Variants in ATOH8 observed in about 807,000 individuals in gnomAD.
The protein encoded by ATOH8 is atonal bHLH transcription factor 8, also known as transcription factor ATOH8.
A neutral mutation model predicts 21.2 loss-of-function variants in ATOH8; 9 were observed. The ratio of observed to expected loss-of-function variants is 0.42; its 90% confidence interval spans 0.26 to 0.74. The LOEUF (loss-of-function observed/expected upper bound fraction) is 0.74, where lower values mean the gene tolerates loss of function less well. Ranked by LOEUF, ATOH8 falls within the 30% of genes least tolerant of loss-of-function variation. The pLI, the probability that ATOH8 is intolerant of heterozygous loss-of-function variation, is 0.24. For missense variants in ATOH8, 524 were observed against 470.9 expected (o/e 1.11, Z -1.04); for synonymous variants, 253 against 224.0 (o/e 1.13, Z -1.16).
chr2:85,769,162 C>T (rs928289375), intron 2 of ATOH8, among the ~76,000 whole-genome samples: 1 of 151,256 alleles, frequency 6.6e-6, no homozygotes, highest in Non-Finnish European at 1.5e-5. Context: ...TTTGCACAAA[C>T]CAGGGCATTG....
At chr2:85,773,062 G>A (rs988735498) in intron 2 of ATOH8, 17 of 356,404 alleles carry the variant, frequency 4.8e-5, no homozygotes, top group South Asian at 1.3e-4. Context: ...AACAGGCAGC[G>A]CCATGGCAGA....
intron 1 of ATOH8, among the ~76,000 whole-genome samples, chr2:85,756,934 C>G (rs1454962327): frequency 6.6e-6 from 1 of 152,200 alleles, no homozygotes; most frequent in Non-Finnish European, 1.5e-5. Flanking sequence ...CCTTTTACTT[C>G]CCCCCTTACC....
chr2:85,759,412 T>A (rs550613012), intron 1 of ATOH8, among the ~76,000 whole-genome samples: 1 of 152,258 alleles, frequency 6.6e-6, no homozygotes, highest in East Asian at 1.9e-4. Flanking sequence ...TACCTGAGCC[T>A]GCTGTGGGAT....
chr2:85,761,945 G>A (rs954865489), intron 1 of ATOH8, among the ~76,000 whole-genome samples: 9 of 152,164 alleles, frequency 5.9e-5, no homozygotes, highest in African/African-American at 2.2e-4. Context: ...GGAAATGCAT[G>A]GGAGCTGGCT....
At chr2:85,754,998 C>T (rs1679643135) in intron 1 of ATOH8, 41 bp downstream of exon 1, 5 of 1,538,984 alleles carry the variant, frequency 3.2e-6, no homozygotes, top group Non-Finnish European at 3.5e-6. Flanking sequence ...CGCCGGGGGA[C>T]GACTGCGGGA....
chr2:85,770,167 C>T (rs1680141997), intron 2 of ATOH8, among the ~76,000 whole-genome samples: 2 of 152,106 alleles, frequency 1.3e-5, no homozygotes, highest in Admixed American at 6.5e-5. Flanking sequence ...ACCTCGTGGG[C>T]TCCTCTCACC....
At chr2:85,768,722 C>T (rs1005412422) in intron 2 of ATOH8, among the ~76,000 whole-genome samples, 1 of 152,202 alleles carries the variant, frequency 6.6e-6, no homozygotes, top group Non-Finnish European at 1.5e-5. Flanking sequence ...TCAGCTCCCC[C>T]TCCAAGCCCA....
At chr2:85,781,341 C>A (rs574090915) in intron 2 of ATOH8, among the ~76,000 whole-genome samples, 48 of 149,060 alleles carry the variant, frequency 3.2e-4, no homozygotes, top group African/African-American at 1.1e-3. Flanking sequence ...CTGAGGTGGG[C>A]GGATCACTTG....
Position 85,790,532 on chromosome 2 carries a change from C to T in ATOH8, c.*3642C>T, listed in dbSNP as rs1003459603. Among the ~76,000 whole-genome samples, 1 of 152,224 alleles carries T rather than the reference C, an allele frequency of 6.6e-6. No homozygotes were observed. Among genetic ancestry groups the T allele is most frequent in the African/African-American group, 2.4e-5 (1 of 41,456 alleles). On this transcript the variant is annotated 3_prime_UTR_variant, in exon 3 of 3. Coordinates refer to ENST00000306279, the MANE Select transcript of ATOH8 (RefSeq NM_032827.7). Reference sequence around the variant, plus strand: ...GGTTTTGAGCAAGTGTTCATCCCCCCACACTATGCTCCTTCCTGTCTCCAT... The same window carrying T: ...GGTTTTGAGCAAGTGTTCATCCCCCTACACTATGCTCCTTCCTGTCTCCAT...
At chr2:85,764,538 C>T (rs1679955164) in intron 2 of ATOH8, among the ~76,000 whole-genome samples, 3 of 152,176 alleles carry the variant, frequency 2.0e-5, no homozygotes, top group Non-Finnish European at 4.4e-5. Context: ...CATACCAGGA[C>T]AAGATTCCCC....
At chr2:85,756,450 G>A (rs374026800) in intron 1 of ATOH8, among the ~76,000 whole-genome samples, 1 of 152,312 alleles carries the variant, frequency 6.6e-6, no homozygotes, top group East Asian at 1.9e-4. Context: ...CCTAGACTGG[G>A]GAGGCACGTG....
rs116756591 is a variant in ATOH8, at chr2:85,777,806, G to T, written c.961-9079G>T. On this transcript the variant is annotated intron_variant, in intron 2 of 2. Coordinates refer to ENST00000306279, the MANE Select transcript of ATOH8 (RefSeq NM_032827.7). The stretch of plus-strand genomic sequence containing the variant: ...CAGAGCCTCCAGTGGAGCCTGGCGT[G>T]GTCTAAACGCTTAGTAAACATTTGC... Among the ~76,000 whole-genome samples the T allele has an allele frequency of 2.3e-3, 343 of 152,296 alleles. 2 individuals are homozygous for T. Among genetic ancestry groups the T allele is most frequent in the African/African-American group, 7.9e-3 (329 of 41,554 alleles).
chr2:85,754,061 G>A lies in ATOH8; in HGVS notation c.-129G>A, dbSNP rs1328230103. On this transcript the variant is annotated 5_prime_UTR_variant, in exon 1 of 3. Coordinates refer to ENST00000306279, the MANE Select transcript of ATOH8 (RefSeq NM_032827.7). Reference sequence around the variant, plus strand: ...CCGAAGCCGGCGGCGCAGCTGCCCGGGGCGAGGGGGAGAAAGGGAGAGAGG... The same window carrying A: ...CCGAAGCCGGCGGCGCAGCTGCCCGAGGCGAGGGGGAGAAAGGGAGAGAGG... 3.3e-6 allele frequency: 4 copies of A among 1,194,954 alleles called. No homozygotes were observed. The highest frequency in any genetic ancestry group is 4.4e-6 in the Non-Finnish European group (4 of 912,374). 74.0% of individuals were successfully genotyped at this position (1,194,954 alleles called of 1,614,324 possible). A position where few individuals can be genotyped will look rare whatever the true frequency, so the allele number is the denominator to read the frequency against.
At chr2:85,774,880 TCTGC>T (rs1680282064) in intron 2 of ATOH8, 1 of 922,224 alleles carries the variant, frequency 1.1e-6, no homozygotes, top group South Asian at 5.0e-5. Context: ...TTCTCCACTG[TCTGC>T]CTGGCTAACT....
chr2:85,779,661 G>A (rs1321863519), intron 2 of ATOH8, among the ~76,000 whole-genome samples: 5 of 152,244 alleles, frequency 3.3e-5, no homozygotes, highest in African/African-American at 1.2e-4. Flanking sequence ...ACTGAGGTCT[G>A]TAGGGGTTAA....
intron 1 of ATOH8, among the ~76,000 whole-genome samples, chr2:85,755,596 AG>A (rs1679666162): frequency 6.6e-6 from 1 of 152,154 alleles, no homozygotes; most frequent in Non-Finnish European, 1.5e-5. Flanking sequence ...AGCTCTGCCG[AG>A]GGGACTGCCT....
Position 85,754,603 on chromosome 2 carries a change from G to A in ATOH8, c.414G>A (p.Gly138=). The A allele has an allele frequency of 6.8e-7, 1 of 1,481,264 alleles. No homozygotes were observed. The highest frequency in any genetic ancestry group is 8.9e-7 in the Non-Finnish European group (1 of 1,123,732). 91.8% of individuals were successfully genotyped at this position (1,481,264 alleles called of 1,614,324 possible). ...CTGCGCCCCAGAGCCAGGCACCTGGGGGCCCAGAGGCACAGCCTTTCCGGG... is the reference window on the plus strand; with the variant it reads ...CTGCGCCCCAGAGCCAGGCACCTGGAGGCCCAGAGGCACAGCCTTTCCGGG... The part of the protein sequence containing the change: ...PPPAPQSQAP[G]GPEAQPFREP... The change falls in exon 1 of 3, where the codon GGG becomes GGA. Residue 138 remains glycine, a synonymous_variant. Transcript: ENST00000306279.
At chr2:85,757,814 C>T (rs761408439) in intron 1 of ATOH8, among the ~76,000 whole-genome samples, 116 of 137,454 alleles carry the variant, frequency 8.4e-4, no homozygotes, top group Non-Finnish European at 1.5e-3. Context: ...GAGACAGAGT[C>T]TCTTTCTGTT....
At chr2:85,756,086 A>G (rs1679685288) in intron 1 of ATOH8, among the ~76,000 whole-genome samples, 3 of 149,596 alleles carry the variant, frequency 2.0e-5, no homozygotes, top group Non-Finnish European at 3.0e-5. Flanking sequence ...GTGTCCATCC[A>G]TGGAAAGGAA....
Sources: allele counts gnomAD v4.1 joint callset (sites outside exome capture counted in the v4.1 genomes callset), GRCh38; gene constraint gnomAD v4.1.1; transcripts MANE v1.5; gene names NCBI Gene and HGNC (gene_info 2026-07-23, HGNC 2026-07-21).